The following EDAR variants were observed in gnomAD, a reference collection of about 807,000 sequenced individuals.
The protein encoded by EDAR is tumor necrosis factor receptor superfamily member EDAR.
In EDAR, 38 loss-of-function variants were observed where a neutral mutation model predicts 51.3. That is an observed-to-expected ratio of 0.74 (90% CI 0.57 to 0.97). The LOEUF is 0.97. Among genes scored for constraint, EDAR ranks in the 50% least tolerant of loss-of-function variants. EDAR has a pLI of 0.00. For missense variants in EDAR, 528 were observed against 595.0 expected (o/e 0.89, Z 1.17); for synonymous variants, 227 against 242.1 (o/e 0.94, Z 0.58).
intron 1 of EDAR, among the ~76,000 whole-genome samples, chr2:108,955,304 C>T (rs1697897929): frequency 6.6e-6 from 1 of 151,886 alleles, no homozygotes; most frequent in Non-Finnish European, 1.5e-5. Flanking sequence ...ACAGTAAGTG[C>T]TAATGAATGC....
At chr2:108,978,700 T>C (rs1307265905) in intron 1 of EDAR, among the ~76,000 whole-genome samples, 2 of 152,172 alleles carry the variant, frequency 1.3e-5, no homozygotes, top group Admixed American at 6.5e-5. Context: ...ACAGGTTCTG[T>C]AGTGAGGCAG....
intron 1 of EDAR, among the ~76,000 whole-genome samples, chr2:108,957,393 C>A (rs971290900): frequency 1.3e-5 from 2 of 152,240 alleles, no homozygotes; most frequent in Admixed American, 6.5e-5. Context: ...CAGGTAATGA[C>A]ATCTGTTTGG....
chr2:108,957,976 G>A (rs750610670), intron 1 of EDAR, among the ~76,000 whole-genome samples: 32 of 152,070 alleles, frequency 2.1e-4, no homozygotes, highest in Admixed American at 7.2e-4. Flanking sequence ...ACTACCAGCA[G>A]TTTAACAAAA....
At chr2:108,979,837 G>C (rs949871235) in intron 1 of EDAR, among the ~76,000 whole-genome samples, 1 of 152,106 alleles carries the variant, frequency 6.6e-6, no homozygotes, top group Non-Finnish European at 1.5e-5. Context: ...CTTCCTGCTA[G>C]GCCCTGACAG....
At chr2:108,939,938 C>T (rs1187769702) in intron 1 of EDAR, among the ~76,000 whole-genome samples, 2 of 152,182 alleles carry the variant, frequency 1.3e-5, no homozygotes, top group South Asian at 2.1e-4. Flanking sequence ...GACGAGGCCT[C>T]CTGCATGAAC....
intron 1 of EDAR, among the ~76,000 whole-genome samples, chr2:108,963,050 C>T (rs193038585): frequency 8.5e-5 from 13 of 152,294 alleles, no homozygotes; most frequent in East Asian, 1.9e-4. Context: ...GGTGGCTCTG[C>T]GTCACTGAAG....
intron 1 of EDAR, among the ~76,000 whole-genome samples, chr2:108,953,937 A>G (rs1174755913): frequency 6.6e-6 from 1 of 152,218 alleles, no homozygotes; most frequent in African/African-American, 2.4e-5. Context: ...ACATATTATA[A>G]GTGAGACACT....
intron 1 of EDAR, among the ~76,000 whole-genome samples, chr2:108,942,510 C>G (rs904811160): frequency 1.3e-5 from 2 of 152,264 alleles, no homozygotes; most frequent in Non-Finnish European, 2.9e-5. Flanking sequence ...AGGTGAACCA[C>G]GATGAACCAC....
intron 9 of EDAR, among the ~76,000 whole-genome samples, chr2:108,909,366 C>T (rs974889921): frequency 2.0e-5 from 3 of 151,940 alleles, no homozygotes; most frequent in African/African-American, 7.3e-5. Context: ...TGCCCTTGGT[C>T]CTGGGAGCAG....
At chr2:108,941,735 C>T (rs1317247574) in intron 1 of EDAR, among the ~76,000 whole-genome samples, 1 of 152,218 alleles carries the variant, frequency 6.6e-6, no homozygotes, top group Non-Finnish European at 1.5e-5. Context: ...AGCCTTCTCT[C>T]CTAGGATGTG....
chr2:108,929,171 G>C (rs1268232156), intron 4 of EDAR, 27 bp downstream of exon 4: 2 of 1,613,258 alleles, frequency 1.2e-6, no homozygotes, highest in East Asian at 2.2e-5. Context: ...AAGCATGCCA[G>C]GGTTTGCCAG....
chr2:108,937,040 C>T lies in EDAR; in HGVS notation c.-18-6008G>A, dbSNP rs569975340. ...ACAGTGCTGTGCCGGGGAACAGACA[C>T]GCAGAGCACAGGCCAAACGTCTTGG... On this transcript the variant is annotated intron_variant, in intron 1 of 11. Coordinates refer to ENST00000258443, the MANE Select transcript of EDAR (RefSeq NM_022336.4). Among the ~76,000 whole-genome samples, 4 of 152,336 alleles carry T rather than the reference C, an allele frequency of 2.6e-5. No homozygotes were observed. In the South Asian group the frequency reaches 6.2e-4, roughly 24 times the overall value.
chr2:108,934,541 T>C (rs1697430491), intron 1 of EDAR, among the ~76,000 whole-genome samples: 1 of 152,208 alleles, frequency 6.6e-6, no homozygotes, highest in African/African-American at 2.4e-5. Flanking sequence ...TAGAACAGAA[T>C]ACCACGGACT....
intron 1 of EDAR, among the ~76,000 whole-genome samples, chr2:108,983,048 A>G (rs1698443269): frequency 6.6e-6 from 1 of 152,328 alleles, no homozygotes; most frequent in South Asian, 2.1e-4. Flanking sequence ...ACAGAAAACC[A>G]CACTCTGCAA....
chr2:108,967,008 C>T (rs1351084343), intron 1 of EDAR, among the ~76,000 whole-genome samples: 1 of 152,232 alleles, frequency 6.6e-6, no homozygotes, highest in Non-Finnish European at 1.5e-5. Flanking sequence ...AGTCTTGGCC[C>T]ACTGAAACCT....
chr2:108,900,974 A>G (rs1696687817), intron 11 of EDAR, among the ~76,000 whole-genome samples: 1 of 152,212 alleles, frequency 6.6e-6, no homozygotes, highest in Admixed American at 6.5e-5. Flanking sequence ...TCCCTCAGTA[A>G]ATGATAGAAC....
rs958181151 is a variant in EDAR at position 108,979,478 on chromosome 2, C to T, written c.-19+9482G>A. Among the ~76,000 whole-genome samples, 3 of 151,722 alleles carry T rather than the reference C, an allele frequency of 2.0e-5. No individual in the cohort carries two copies. In the East Asian group the frequency reaches 5.9e-4, roughly 30 times the overall value. On this transcript the variant is annotated intron_variant, in intron 1 of 11. Coordinates refer to ENST00000258443, the MANE Select transcript of EDAR (RefSeq NM_022336.4). ...TGTCTCTCTCTCTCTCACACACACA[C>T]ACACACACACACACACACACACGCA...
chr2:108,894,753 T>TAAGTAA lies in EDAR; in HGVS notation c.*2148_*2153dup, dbSNP rs1696548519. ...TCAGAGTAAATCCCATGTTTCCAAA[T>TAAGTAA]AAGTAAATGACAAGGGAATTTGTAA... On this transcript the variant is annotated 3_prime_UTR_variant, in exon 12 of 12. Transcript: ENST00000258443. 8.8e-6 allele frequency: 1 copy of TAAGTAA among 113,426 alleles called. No individual in the cohort carries two copies. Among genetic ancestry groups the TAAGTAA allele is most frequent in the African/African-American group, 5.6e-5 (1 of 17,788 alleles). 7.0% of individuals were successfully genotyped at this position (113,426 alleles called of 1,614,324 possible).
chr2:108,970,474 C>A (rs1481826642), intron 1 of EDAR, among the ~76,000 whole-genome samples: 2 of 152,048 alleles, frequency 1.3e-5, no homozygotes, highest in African/African-American at 4.8e-5. Flanking sequence ...TACTGAGACA[C>A]AAGGAGGGCA....
Sources: allele counts gnomAD v4.1 joint callset (sites outside exome capture counted in the v4.1 genomes callset), GRCh38; gene constraint gnomAD v4.1.1; transcripts MANE v1.5; gene names NCBI Gene and HGNC (gene_info 2026-07-23, HGNC 2026-07-21).